BLK: variants seen among roughly 807,000 people sequenced by gnomAD.
BLK encodes the protein tyrosine-protein kinase Blk.
BLK carries 64 observed loss-of-function variants against 61.8 expected under a neutral mutation model. The ratio of observed to expected loss-of-function variants is 1.03; its 90% CI spans 0.85 to 1.27. The LOEUF (loss-of-function observed/expected upper bound fraction) is 1.27. Among genes scored for constraint, BLK ranks in the 50% most tolerant of loss-of-function variants. The pLI, the probability that BLK is intolerant of heterozygous loss-of-function variation, is 0.00. For synonymous variants in BLK, 351 were observed against 272.0 expected (o/e 1.29, Z -2.86); for missense variants, 853 against 660.5 (o/e 1.29, Z -3.19).
At chr8:11,547,333 A>C (rs1173907609) in intron 3 of BLK, among the ~76,000 whole-genome samples, 1 of 152,130 alleles carries the variant, frequency 6.6e-6, no homozygotes, top group Admixed American at 6.5e-5. Context: ...GAGCCACCCC[A>C]CCCGGGGAAG....
chr8:11,548,516 A>C (rs1316429379), intron 4 of BLK, among the ~76,000 whole-genome samples: 2 of 152,124 alleles, frequency 1.3e-5, no homozygotes, highest in Admixed American at 1.3e-4. Context: ...CACTGATGAC[A>C]CACACCAATC....
rs989733850 is a variant in BLK, at chr8:11,543,206, G to A, written c.-1-18G>A. 1 of 1,613,546 alleles carries A rather than the reference G, an allele frequency of 6.2e-7. No individual in the cohort carries two copies. Among genetic ancestry groups the A allele is most frequent in the Non-Finnish European group, 8.5e-7 (1 of 1,179,888 alleles). ...CCCCGCTCTCTCATGTCCTCTGTCT[G>A]CTGTGTGTCTCCGACAGGATGGGGC... On this transcript the variant is annotated intron_variant, in intron 1 of 12. Transcript: ENST00000259089.
At chr8:11,523,365 C>T (rs529234263) in intron 1 of BLK, among the ~76,000 whole-genome samples, 10 of 152,050 alleles carry the variant, frequency 6.6e-5, no homozygotes, top group Admixed American at 3.3e-4. Flanking sequence ...TACAGCATGG[C>T]GAACATGGAG....
intron 6 of BLK, 70 bp downstream of exon 6, chr8:11,550,332 C>T: frequency 6.9e-7 from 1 of 1,447,748 alleles, no homozygotes; most frequent in Non-Finnish European, 9.7e-7. Context: ...GAGGCCTGGC[C>T]CTGGAGTGAG....
At chr8:11,554,982 C>T (rs1036152530) in intron 7 of BLK, 93 bp downstream of exon 7, 8 of 1,527,740 alleles carry the variant, frequency 5.2e-6, no homozygotes, top group African/African-American at 1.4e-5. Context: ...ATTGGTGCCA[C>T]CTTGGGGGAT....
intron 11 of BLK, among the ~76,000 whole-genome samples, chr8:11,562,535 G>A (rs1462283100): frequency 6.6e-6 from 1 of 152,212 alleles, no homozygotes; most frequent in Non-Finnish European, 1.5e-5. Flanking sequence ...CCTCATAGCG[G>A]CCCTCGGAGG....
chr8:11,505,612 TTC>T (rs974927936), intron 1 of BLK, among the ~76,000 whole-genome samples: 16 of 152,212 alleles, frequency 1.1e-4, no homozygotes, highest in Admixed American at 5.2e-4. Flanking sequence ...TGGAGCTCAT[TTC>T]TCTGTCTTCA....
chr8:11,527,775 TA>T (rs113320027), intron 1 of BLK, among the ~76,000 whole-genome samples: 4,283 of 138,688 alleles, frequency 0.031, 86 homozygotes, highest in Middle Eastern at 0.072. Context: ...AGTCTGGGTG[TA>T]AAAAAAAAAA....
At chr8:11,507,861 G>T (rs910130099) in intron 1 of BLK, among the ~76,000 whole-genome samples, 1 of 152,164 alleles carries the variant, frequency 6.6e-6, no homozygotes, top group East Asian at 1.9e-4. Flanking sequence ...ATTTCTACAC[G>T]TGAGCACTGG....
chr8:11,554,963 G>T (rs908949069), intron 7 of BLK, 74 bp downstream of exon 7: 2 of 1,570,150 alleles, frequency 1.3e-6, no homozygotes, highest in African/African-American at 1.3e-5. Flanking sequence ...ATTCCCAATT[G>T]TGTGAGTCAT....
At chr8:11,550,987 C>T (rs1460863596) in intron 6 of BLK, among the ~76,000 whole-genome samples, 2 of 152,182 alleles carry the variant, frequency 1.3e-5, no homozygotes, top group African/African-American at 4.8e-5. Flanking sequence ...AGCCCCCTCA[C>T]TCCCCCACTT....
intron 1 of BLK, among the ~76,000 whole-genome samples, chr8:11,528,095 G>A (rs192552101): frequency 6.6e-6 from 1 of 152,194 alleles, no homozygotes; most frequent in Non-Finnish European, 1.5e-5. Flanking sequence ...GGAGTTCAAT[G>A]GCGTGATCTC....
rs1801622422 is a variant in BLK at position 11,564,192 on chromosome 8, G to A, written c.*84G>A. On this transcript the variant is annotated 3_prime_UTR_variant, in exon 13 of 13. Coordinates refer to ENST00000259089, the MANE Select transcript of BLK (RefSeq NM_001715.3). ...GCCATCCCAGACGGGCCGCGAAGGC[G>A]GGGTGTCGCCTGTGCCCTTTTCTCA... The A allele has an allele frequency of 2.0e-6, 3 of 1,471,036 alleles. No individual in the cohort carries two copies. Among genetic ancestry groups the A allele is most frequent in the African/African-American group, 2.8e-5 (2 of 71,742 alleles). 91.1% of individuals were successfully genotyped at this position (1,471,036 alleles called of 1,614,324 possible).
intron 5 of BLK, 78 bp from the exon 6 acceptor site, chr8:11,550,081 G>A (rs71518522): frequency 1.6e-6 from 2 of 1,276,576 alleles, no homozygotes; most frequent in South Asian, 2.4e-5. Context: ...GGGACAGGCA[G>A]TGCAGGAGGG....
intron 1 of BLK, among the ~76,000 whole-genome samples, chr8:11,494,964 T>C (rs1336384520): frequency 6.6e-6 from 1 of 152,234 alleles, no homozygotes; most frequent in Non-Finnish European, 1.5e-5. Context: ...TGATATTGAC[T>C]GTGCAGAGCT....
At chr8:11,537,009 C>A (rs753551034) in intron 1 of BLK, among the ~76,000 whole-genome samples, 4 of 152,182 alleles carry the variant, frequency 2.6e-5, no homozygotes, top group Non-Finnish European at 5.9e-5. Context: ...TTGACAGCAA[C>A]TGAATGTCTG....
chr8:11,530,940 G>A (rs2264306), intron 1 of BLK, among the ~76,000 whole-genome samples: 42,859 of 152,108 alleles, frequency 0.28, 6,339 homozygotes, highest in Middle Eastern at 0.33. Flanking sequence ...TCCTAAAGTT[G>A]TTTCGTTTCA....
intron 1 of BLK, among the ~76,000 whole-genome samples, chr8:11,535,261 G>GAAGAAAGAAAGAAAGAAAGAA (rs1800071026): frequency 2.7e-5 from 3 of 110,454 alleles, no homozygotes; most frequent in African/African-American, 1.1e-4. Context: ...AAGAAAGAAA[G>GAAGAAAGAAAGAAAGAAAGAA]AAGAAAGAAA....
At position 11,515,895 on chromosome 8, in the gene BLK, G is replaced by A. The variant is rs1330220469; in HGVS notation, c.-2+21304G>A. On this transcript the variant is annotated intron_variant, in intron 1 of 12. Coordinates refer to ENST00000259089, the MANE Select transcript of BLK (RefSeq NM_001715.3). ...GGCATTTTAAAAACAAAATCATATA[G>A]AATAGAGAATACCCAGGGGCATTGC... 2.0e-5 allele frequency among the ~76,000 whole-genome samples: 3 copies of A among 152,216 alleles called. No individual in the cohort carries two copies. The East Asian group carries it at 5.8e-4, about 29-fold the overall frequency.
Sources: gnomAD v4.1 joint callset for allele counts (sites outside exome capture counted in the v4.1 genomes callset) on GRCh38, gnomAD v4.1.1 for gene constraint, MANE v1.5 for transcripts, NCBI Gene and HGNC (gene_info 2026-07-23, HGNC 2026-07-21) for gene names.